RIMS4: variants seen among roughly 807,000 people sequenced by gnomAD.
RIMS4 encodes regulating synaptic membrane exocytosis protein 4.
RIMS4 carries 9 observed loss-of-function variants against 29.0 expected under a neutral mutation model. That is an observed-to-expected ratio of 0.31 (90% CI 0.19 to 0.54). The LOEUF (loss-of-function observed/expected upper bound fraction) is 0.54. Ranked by LOEUF, RIMS4 falls within the 20% of genes least tolerant of loss-of-function variation. The pLI, the probability that RIMS4 is intolerant of heterozygous loss-of-function variation, is 0.94. For missense variants in RIMS4, 193 were observed against 365.7 expected, an observed-to-expected ratio of 0.53 and a Z score of 3.85; for synonymous variants, 130 against 152.9, an observed-to-expected ratio of 0.85 and a Z score of 1.10.
intron 2 of RIMS4, among the ~76,000 whole-genome samples, chr20:44,762,302 G>T (rs542890695): frequency 6.6e-6 from 1 of 152,246 alleles, no homozygotes; most frequent in African/African-American, 2.4e-5. Flanking sequence ...CCCTGGGGTT[G>T]GGGACCCCTG....
At chr20:44,769,484 G>A (rs1337206156) in intron 2 of RIMS4, among the ~76,000 whole-genome samples, 3 of 152,188 alleles carry the variant, frequency 2.0e-5, no homozygotes, top group African/African-American at 7.2e-5. Context: ...GCAGAGCCAG[G>A]ATTAGGACCT....
intron 1 of RIMS4, among the ~76,000 whole-genome samples, chr20:44,785,891 G>C (rs1170187988): frequency 6.6e-5 from 10 of 152,072 alleles, no homozygotes; most frequent in Non-Finnish European, 1.2e-4. Context: ...AGGAAAGGGG[G>C]CCTTGATTGA....
At chr20:44,787,736 T>C (rs1170307780) in intron 1 of RIMS4, among the ~76,000 whole-genome samples, 2 of 151,566 alleles carry the variant, frequency 1.3e-5, no homozygotes, top group Non-Finnish European at 2.9e-5. Flanking sequence ...TGATACAACT[T>C]GAACGTAATT....
intron 1 of RIMS4, among the ~76,000 whole-genome samples, chr20:44,796,368 C>T (rs1435735824): frequency 6.6e-6 from 1 of 152,132 alleles, no homozygotes; most frequent in Non-Finnish European, 1.5e-5. Context: ...GTCACCAGAA[C>T]ACAGCTTGGC....
chr20:44,792,493 T>A (rs1021861203), intron 1 of RIMS4, among the ~76,000 whole-genome samples: 1 of 152,038 alleles, frequency 6.6e-6, no homozygotes, highest in African/African-American at 2.4e-5. Context: ...GGTTTCTCCA[T>A]GTTGGTCAGG....
chr20:44,761,783 T>C (rs2066086302), intron 2 of RIMS4, among the ~76,000 whole-genome samples: 1 of 152,248 alleles, frequency 6.6e-6, no homozygotes, highest in African/African-American at 2.4e-5. Context: ...CTGAGTGGTA[T>C]CTGAACCCAG....
At position 44,790,156 on chromosome 20, in the gene RIMS4, G is replaced by A. The variant is rs540791250; in HGVS notation, c.98-18743C>T. Among the ~76,000 whole-genome samples, 12 of 152,348 alleles carry A rather than the reference G, an allele frequency of 7.9e-5. No individual in the cohort carries two copies. In the South Asian group the frequency reaches 2.1e-3, roughly 26 times the overall value. ...GATTTTTAATTGAGTGGTCTGGGTT[G>A]GGGATCAGGATCCTGGCTGCTGACG... is the stretch of plus-strand genomic sequence containing the variant. On this transcript the variant is annotated intron_variant, in intron 1 of 5. Transcript: ENST00000372851.
chr20:44,803,213 A>G lies in RIMS4; in HGVS notation c.97+6962T>C, dbSNP rs966863738. 2.0e-5 allele frequency among the ~76,000 whole-genome samples: 3 copies of G among 152,224 alleles called. No individual in the cohort carries two copies. In the South Asian group the frequency reaches 6.2e-4, roughly 32 times the overall value. On this transcript the variant is annotated intron_variant, in intron 1 of 5. Transcript: ENST00000372851. ...TATCCCTAGCACCCTAGCACCTAGA[A>G]CATTAACACTGAGCAGCTCATTAAC... is the stretch of plus-strand genomic sequence containing the variant.
chr20:44,790,451 C>T (rs1193687004), intron 1 of RIMS4, among the ~76,000 whole-genome samples: 1 of 152,234 alleles, frequency 6.6e-6, no homozygotes, highest in Non-Finnish European at 1.5e-5. Context: ...ACTCCAGCAT[C>T]CTCTCTTCCA....
Position 44,776,262 on chromosome 20 carries a change from CAAAACAAAAACA to C in RIMS4, c.98-4861_98-4850del, listed in dbSNP as rs559644789. 1.3e-3 allele frequency among the ~76,000 whole-genome samples: 195 copies of C among 152,170 alleles called. 1 individual carries two copies. Among genetic ancestry groups the C allele is most frequent in the African/African-American group, 4.5e-3 (186 of 41,506 alleles). ...TGGGTAACAGAGTAAAATCCTATCT[CAAAACAAAAACA>C]AAAACAAAAACAAAAACCTCAGAAT... is the stretch of plus-strand genomic sequence containing the variant. On this transcript the variant is annotated intron_variant, in intron 1 of 5. Coordinates refer to ENST00000372851, the MANE Select transcript of RIMS4 (RefSeq NM_182970.4).
rs144086664 is a variant in RIMS4 at position 44,780,418 on chromosome 20, T to G, written c.98-9005A>C. Reference sequence around the variant, plus strand: ...CAGAGGTGGGGCTCACAAGGGAGATTTTAGAACTACGAAGCATCCCTATCT... The same window carrying G: ...CAGAGGTGGGGCTCACAAGGGAGATGTTAGAACTACGAAGCATCCCTATCT... On this transcript the variant is annotated intron_variant, in intron 1 of 5. Coordinates refer to ENST00000372851, the MANE Select transcript of RIMS4 (RefSeq NM_182970.4). Among the ~76,000 whole-genome samples the G allele has an allele frequency of 7.3e-3, 1,108 of 152,298 alleles. 13 individuals carry two copies. The highest frequency in any genetic ancestry group is 0.039 in the South Asian group (187 of 4,830).
At chr20:44,764,445 A>G (rs2066105186) in intron 2 of RIMS4, among the ~76,000 whole-genome samples, 1 of 152,220 alleles carries the variant, frequency 6.6e-6, no homozygotes, top group African/African-American at 2.4e-5. Flanking sequence ...GGTTTTAAAT[A>G]TGTTAAATGC....
intron 2 of RIMS4, among the ~76,000 whole-genome samples, chr20:44,764,789 C>G (rs2066106780): frequency 1.3e-5 from 2 of 152,186 alleles, no homozygotes; most frequent in Non-Finnish European, 2.9e-5. Context: ...TTCCCTAATA[C>G]TTGAATCATG....
chr20:44,798,239 T>C (rs1339972717), intron 1 of RIMS4, among the ~76,000 whole-genome samples: 1 of 152,212 alleles, frequency 6.6e-6, no homozygotes, highest in African/African-American at 2.4e-5. Flanking sequence ...AAGCATGAGA[T>C]ACATGTATAT....
intron 4 of RIMS4, among the ~76,000 whole-genome samples, 180 bp downstream of exon 4, chr20:44,757,486 AACAG>A (rs2066065690): frequency 2.0e-5 from 3 of 152,184 alleles, no homozygotes. Flanking sequence ...GAACAAGGTC[AACAG>A]ACAATCTCAA....
chr20:44,766,872 G>A (rs1228181413), intron 2 of RIMS4, among the ~76,000 whole-genome samples: 1 of 152,152 alleles, frequency 6.6e-6, no homozygotes, highest in Non-Finnish European at 1.5e-5. Flanking sequence ...AGCTTCTCTA[G>A]CCTCAAGAGC....
chr20:44,761,739 G>C (rs1433187062), intron 2 of RIMS4, among the ~76,000 whole-genome samples: 1 of 152,224 alleles, frequency 6.6e-6, no homozygotes, highest in African/African-American at 2.4e-5. Context: ...TTGAATCAGG[G>C]TCTGCTCTGG....
At position 44,756,813 on chromosome 20, in the gene RIMS4, C is replaced by T. The variant is rs368235827; in HGVS notation, c.591+85G>A. The stretch of plus-strand genomic sequence containing the variant: ...GGCGAGGCCCTCCAGAGACACCCCC[C>T]GCCAGGGGTGCCCTCCTCTCATTCT... On this transcript the variant is annotated intron_variant, in intron 5 of 5. Transcript: ENST00000372851. The surrounding 1 kb of genome is among the most constrained non-coding windows in gnomAD (Gnocchi z 5.9). 7.1e-5 allele frequency: 100 copies of T among 1,401,840 alleles called. No homozygotes were observed. The highest frequency in any genetic ancestry group is 3.1e-4 in the East Asian group (13 of 42,232). The allele number at this position is 1,401,840 out of a possible 1,614,324, so 86.8% of individuals were successfully genotyped here.
chr20:44,804,929 C>T (rs956813921), intron 1 of RIMS4, among the ~76,000 whole-genome samples: 5 of 152,124 alleles, frequency 3.3e-5, no homozygotes, highest in East Asian at 1.9e-4. Context: ...GACCAGTGAT[C>T]TGTACAATGG....
Sources: allele counts gnomAD v4.1 joint callset (sites outside exome capture counted in the v4.1 genomes callset), GRCh38; gene constraint gnomAD v4.1.1; non-coding constraint Gnocchi (gnomAD v3.1); transcripts MANE v1.5; gene names NCBI Gene and HGNC (gene_info 2026-07-23, HGNC 2026-07-21).